Variants in PAFAH1B1 observed in about 807,000 individuals in gnomAD.
PAFAH1B1 encodes platelet activating factor acetylhydrolase 1b regulatory subunit 1.
In PAFAH1B1, 2 loss-of-function variants were observed where a neutral mutation model predicts 57.5. The observed-to-expected ratio is 0.03, with a 90% CI of 0.01 to 0.11. The LOEUF is 0.11. Among genes scored for constraint, PAFAH1B1 ranks in the 10% least tolerant of loss-of-function variants. The probability of loss-of-function intolerance (pLI) is 1.00; values close to 1 mark genes in which losing one functional copy is unlikely to be tolerated. For synonymous variants in PAFAH1B1, 152 were observed against 169.6 expected (o/e 0.90, Z 0.81); for missense variants, 257 against 512.0 (o/e 0.50, Z 4.81).
intron 5 of PAFAH1B1, 191 bp downstream of exon 5, chr17:2,667,389 G>A (rs1252871395): frequency 1.8e-6 from 1 of 553,006 alleles, no homozygotes; most frequent in African/African-American, 1.9e-5. Context: ...CTGAAAATGA[G>A]GGCCTATGAA....
intron 5 of PAFAH1B1, among the ~76,000 whole-genome samples, chr17:2,667,757 G>A (rs6502449): frequency 0.99 from 150,932 of 152,000 alleles, 74,975 homozygotes; most frequent in East Asian, 1. Flanking sequence ...TTCCAGGAGT[G>A]TGGGAATATA....
intron 1 of PAFAH1B1, among the ~76,000 whole-genome samples, chr17:2,600,430 TGTG>T (rs1567521894): frequency 6.6e-6 from 1 of 150,554 alleles, no homozygotes; most frequent in Non-Finnish European, 1.5e-5. Context: ...ATTAGCCAGG[TGTG>T]GTGGTGGGTG....
intron 1 of PAFAH1B1, among the ~76,000 whole-genome samples, chr17:2,611,997 T>G (rs1298042418): frequency 6.6e-6 from 1 of 152,180 alleles, no homozygotes; most frequent in Non-Finnish European, 1.5e-5. Context: ...TGCTAGCTGC[T>G]GAGAGGCTTG....
chr17:2,664,682 CTCTCTCTCTCTT>C (rs1369766799), intron 2 of PAFAH1B1, among the ~76,000 whole-genome samples: 68 of 121,684 alleles, frequency 5.6e-4, no homozygotes, highest in African/African-American at 8.6e-4. Context: ...CTCTCTCTCT[CTCTCTCTCTCTT>C]TCTCTCTCCA....
At chr17:2,607,820 C>T (rs1416166344) in intron 1 of PAFAH1B1, among the ~76,000 whole-genome samples, 1 of 152,052 alleles carries the variant, frequency 6.6e-6, no homozygotes, top group Non-Finnish European at 1.5e-5. Flanking sequence ...CAATTGTGTC[C>T]ACCTTCCTCT....
At chr17:2,642,284 C>G (rs1003974223) in intron 2 of PAFAH1B1, 1 of 152,202 alleles carries the variant, frequency 6.6e-6, no homozygotes, top group African/African-American at 2.4e-5. Flanking sequence ...GCTTCAAAAT[C>G]TGAAACTTTT....
chr17:2,600,122 G>A lies in PAFAH1B1; in HGVS notation c.-191+6116G>A, dbSNP rs189435811. ...AGTCTCCCGAGTAGCTGGGACCACA[G>A]GCACATACCACCACAGACAGCTAAT... On this transcript the variant is annotated intron_variant, in intron 1 of 10. Coordinates refer to ENST00000397195, the MANE Select transcript of PAFAH1B1 (RefSeq NM_000430.4). Among the ~76,000 whole-genome samples the A allele has an allele frequency of 7.6e-3, 1,151 of 151,530 alleles. 3 individuals are homozygous for A. Among genetic ancestry groups the A allele is most frequent in the Middle Eastern group, 0.059 (17 of 290 alleles).
At position 2,672,743 on chromosome 17, in the gene PAFAH1B1, G is replaced by T. The variant is rs587784276; in HGVS notation, c.657G>T (p.Trp219Cys). The T allele has an allele frequency of 6.2e-7, 1 of 1,607,612 alleles. No individual in the cohort carries two copies. The highest frequency in any genetic ancestry group is 8.5e-7 in the Non-Finnish European group (1 of 1,174,860). The change falls in exon 7 of 11, where the codon TGG (tryptophan) becomes TGT (cysteine). Residue 219 changes from tryptophan to cysteine, a missense_variant. Physicochemically the swap from Trp to Cys is radical, Grantham distance 215. Transcript: ENST00000397195. ...CAAGGGATAAAACTATAAAAATGTG[G>T]GAAGTGCAAACTGGGTAAGTAAGTT... is the stretch of plus-strand genomic sequence containing the variant. Reference protein sequence around the residue: ...SASRDKTIKMWEVQTGYCVKT... With the variant: ...SASRDKTIKMCEVQTGYCVKT...
At chr17:2,674,713 A>T (rs2069235516) in intron 8 of PAFAH1B1, among the ~76,000 whole-genome samples, 1 of 152,246 alleles carries the variant, frequency 6.6e-6, no homozygotes, top group African/African-American at 2.4e-5. Flanking sequence ...ATGTGATAGT[A>T]TAAATGTTTT....
intron 1 of PAFAH1B1, among the ~76,000 whole-genome samples, chr17:2,605,842 G>A (rs2068199447): frequency 6.6e-6 from 1 of 152,162 alleles, no homozygotes; most frequent in African/African-American, 2.4e-5. Flanking sequence ...AACATAGTAA[G>A]TACTCAATAA....
intron 1 of PAFAH1B1, among the ~76,000 whole-genome samples, chr17:2,606,896 C>G (rs972758071): frequency 1.4e-5 from 2 of 146,896 alleles, no homozygotes; most frequent in Admixed American, 1.4e-4. Flanking sequence ...GCAATCTCAG[C>G]TCACTGCAAC....
At chr17:2,612,244 C>T (rs533213473) in intron 1 of PAFAH1B1, among the ~76,000 whole-genome samples, 24 of 149,728 alleles carry the variant, frequency 1.6e-4, no homozygotes, top group African/African-American at 5.2e-4. Context: ...AGTCTCATCG[C>T]CCAGGCTGGA....
chr17:2,664,662 A>ATCGCGCGCTC (rs1567554061), intron 2 of PAFAH1B1, among the ~76,000 whole-genome samples: 1 of 90,300 alleles, frequency 1.1e-5, no homozygotes, highest in Non-Finnish European at 2.3e-5. Context: ...ATATCTATCT[A>ATCGCGCGCTC]TCGCTCTCTC....
At chr17:2,673,666 C>A in intron 7 of PAFAH1B1, 2 of 189,470 alleles carry the variant, frequency 1.1e-5, no homozygotes, top group Non-Finnish European at 2.2e-5. Flanking sequence ...AGTAAATAAT[C>A]TTTGTGCTGG....
At chr17:2,617,101 A>G (rs576236655) in intron 1 of PAFAH1B1, among the ~76,000 whole-genome samples, 2 of 152,290 alleles carry the variant, frequency 1.3e-5, no homozygotes, top group East Asian at 3.9e-4. Flanking sequence ...TTAATAAGAA[A>G]AAAACAGACA....
At chr17:2,601,190 A>G (rs1458838121) in intron 1 of PAFAH1B1, among the ~76,000 whole-genome samples, 1 of 152,032 alleles carries the variant, frequency 6.6e-6, no homozygotes, top group Non-Finnish European at 1.5e-5. Flanking sequence ...GCTGGAGTGC[A>G]GTGTTGCGAT....
chr17:2,651,351 C>T (rs1013439676), intron 2 of PAFAH1B1, among the ~76,000 whole-genome samples: 4 of 146,058 alleles, frequency 2.7e-5, no homozygotes, highest in African/African-American at 1.0e-4. Context: ...CTGAGGCAGG[C>T]GGAACACCTG....
rs2069227695 is a variant in PAFAH1B1 at position 2,674,128 on chromosome 17, C to T, written c.740C>T (p.Thr247Ile). 1 of 1,613,962 alleles carries T rather than the reference C, an allele frequency of 6.2e-7. No individual in the cohort carries two copies. The highest frequency in any genetic ancestry group is 1.3e-5 in the African/African-American group (1 of 74,898). The part of the protein sequence containing the change: ...VRMVRPNQDG[T>I]LIASCSNDQT... ...ATGGTACGGCCAAATCAAGATGGCA[C>T]TCTGATAGCCAGCTGTTCCAATGAC... The change falls in exon 8 of 11, where the codon ACT becomes ATT. Residue 247 changes from threonine to isoleucine, a missense_variant. By Grantham distance (89) the Thr-to-Ile change is moderately conservative. Coordinates refer to ENST00000397195, the MANE Select transcript of PAFAH1B1 (RefSeq NM_000430.4).
At chr17:2,620,692 T>C (rs1296582608) in intron 1 of PAFAH1B1, among the ~76,000 whole-genome samples, 1 of 152,026 alleles carries the variant, frequency 6.6e-6, no homozygotes, top group Non-Finnish European at 1.5e-5. Flanking sequence ...TAAAACCCCG[T>C]CTCTACTAAA....
Sources: gnomAD v4.1 joint callset for allele counts (sites outside exome capture counted in the v4.1 genomes callset) on GRCh38, gnomAD v4.1.1 for gene constraint, MANE v1.5 for transcripts, NCBI Gene and HGNC (gene_info 2026-07-23, HGNC 2026-07-21) for gene names.